The following RAD54B variants were observed in gnomAD, a reference collection of about 807,000 sequenced individuals.
The protein encoded by RAD54B is DNA repair and recombination protein RAD54B.
A neutral mutation model predicts 95.8 loss-of-function variants in RAD54B; 78 were observed. That is an observed-to-expected ratio of 0.81 (90% CI 0.68 to 0.98). The LOEUF (loss-of-function observed/expected upper bound fraction) is 0.98, where lower values mean the gene tolerates loss of function less well. RAD54B is among the 50% of genes least tolerant of loss of function. The pLI, the probability that RAD54B is intolerant of heterozygous loss-of-function variation, is 0.00. For missense variants in RAD54B, 957 were observed against 1,056.6 expected (o/e 0.91, Z 1.31); for synonymous variants, 328 against 354.9 (o/e 0.92, Z 0.85).
rs766867669 is a variant in RAD54B at position 94,386,996 on chromosome 8, C to T, written c.1973G>A (p.Arg658Gln). 3.1e-6 allele frequency: 5 copies of T among 1,595,762 alleles called. No individual in the cohort carries two copies. Among genetic ancestry groups the T allele is most frequent in the South Asian group, 2.3e-5 (2 of 86,626 alleles). ...SKLLAVIHEL[R>Q]PTEKVVLVSN... Reference sequence around the variant, plus strand: ...AAATCGATCTTACTTTTCAGTAGGTCGAAGTTCGTGGATAACCGCTAAGAG... The same window carrying T: ...AAATCGATCTTACTTTTCAGTAGGTTGAAGTTCGTGGATAACCGCTAAGAG... The change falls in exon 11 of 15, where the codon CGA becomes CAA. Residue 658 changes from arginine to glutamine, a missense_variant. Coordinates refer to ENST00000336148, the MANE Select transcript of RAD54B (RefSeq NM_012415.3).
At chr8:94,406,604 C>A (rs1241352128) in intron 5 of RAD54B, among the ~76,000 whole-genome samples, 3 of 152,118 alleles carry the variant, frequency 2.0e-5, no homozygotes, top group Admixed American at 2.0e-4. Context: ...TTCTCCAATG[C>A]AAAGTGAAGA....
At chr8:94,419,457 G>T (rs899651543) in intron 3 of RAD54B, among the ~76,000 whole-genome samples, 3 of 151,978 alleles carry the variant, frequency 2.0e-5, no homozygotes, top group Non-Finnish European at 4.4e-5. Flanking sequence ...GCAGTGAGCC[G>T]AGATCATGCC....
rs1310367358 is a variant in RAD54B at position 94,475,096 on chromosome 8, C to G, written c.-112G>C. 3 of 152,686 alleles carry G rather than the reference C, an allele frequency of 2.0e-5. No individual in the cohort carries two copies. In the East Asian group the frequency reaches 5.8e-4, roughly 29 times the overall value. The allele number at this position is 152,686 out of a possible 1,614,324, so 9.5% of individuals were successfully genotyped here. ...CCGGAGAAGCTCAAGGATCCCGCCT[C>G]GGCGAAGCCAATCGCGGACGAGCCC... On this transcript the variant is annotated 5_prime_UTR_variant, in exon 1 of 15. Coordinates refer to ENST00000336148, the MANE Select transcript of RAD54B (RefSeq NM_012415.3).
At chr8:94,461,159 T>C (rs1243689072) in intron 2 of RAD54B, among the ~76,000 whole-genome samples, 4 of 123,238 alleles carry the variant, frequency 3.2e-5, no homozygotes, top group Non-Finnish European at 5.0e-5. Flanking sequence ...TAAATACTCA[T>C]CTTTTTTTTT....
chr8:94,456,424 G>A (rs1812780374), intron 3 of RAD54B, among the ~76,000 whole-genome samples: 1 of 152,100 alleles, frequency 6.6e-6, no homozygotes, highest in South Asian at 2.1e-4. Flanking sequence ...GGTTATGCAG[G>A]AGAAAACATT....
intron 3 of RAD54B, among the ~76,000 whole-genome samples, chr8:94,415,448 C>T (rs201239342): frequency 3.3e-5 from 5 of 150,680 alleles, no homozygotes; most frequent in East Asian, 1.9e-4. Flanking sequence ...ATTCAGGACA[C>T]AGGCATGGGC....
intron 3 of RAD54B, among the ~76,000 whole-genome samples, chr8:94,454,286 A>T (rs944235962): frequency 3.3e-5 from 5 of 152,182 alleles, no homozygotes; most frequent in African/African-American, 1.2e-4. Flanking sequence ...AGAGAAAGAG[A>T]GTGACTATTT....
chr8:94,395,405 A>G (rs1400582019), intron 8 of RAD54B, among the ~76,000 whole-genome samples: 4 of 152,190 alleles, frequency 2.6e-5, no homozygotes, highest in African/African-American at 4.8e-5. Context: ...AAACTGCACC[A>G]TAACGTTGGT....
Position 94,390,613 on chromosome 8 carries a change from A to C in RAD54B, c.1809+996T>G, listed in dbSNP as rs1342773325. 2.0e-5 allele frequency among the ~76,000 whole-genome samples: 3 copies of C among 148,034 alleles called. No individual in the cohort carries two copies. In the East Asian group the frequency reaches 5.8e-4, roughly 29 times the overall value. ...TTTTATATATAATATATATACATAT[A>C]TACATATATATCTGAGCCCCTATTT... On this transcript the variant is annotated intron_variant, in intron 10 of 14. Transcript: ENST00000336148.
At chr8:94,443,240 T>C (rs1437821370) in intron 3 of RAD54B, among the ~76,000 whole-genome samples, 1 of 152,180 alleles carries the variant, frequency 6.6e-6, no homozygotes, top group Non-Finnish European at 1.5e-5. Flanking sequence ...AAATATCGCA[T>C]GTTCTCACTT....
At chr8:94,474,826 G>A (rs1028019195) in intron 1 of RAD54B, among the ~76,000 whole-genome samples, 175 bp downstream of exon 1, 2 of 152,210 alleles carry the variant, frequency 1.3e-5, no homozygotes, top group Admixed American at 6.5e-5. Flanking sequence ...CCAGCAACCA[G>A]GGCGTCCCTG....
chr8:94,434,133 C>T (rs1324399685), intron 3 of RAD54B, among the ~76,000 whole-genome samples: 2 of 151,758 alleles, frequency 1.3e-5, no homozygotes, highest in East Asian at 3.8e-4. Flanking sequence ...CTATTAATAG[C>T]TCTGCTAAAA....
intron 3 of RAD54B, among the ~76,000 whole-genome samples, chr8:94,419,248 G>C (rs187784627): frequency 6.6e-6 from 1 of 152,106 alleles, no homozygotes; most frequent in African/African-American, 2.4e-5. Flanking sequence ...GGTGGCTCAC[G>C]CCTGTAATCC....
At chr8:94,450,372 T>C (rs1463345427) in intron 3 of RAD54B, among the ~76,000 whole-genome samples, 1 of 152,114 alleles carries the variant, frequency 6.6e-6, no homozygotes, top group Non-Finnish European at 1.5e-5. Flanking sequence ...ACAGCAAATC[T>C]TGCAAAAGGT....
intron 14 of RAD54B, among the ~76,000 whole-genome samples, chr8:94,377,899 C>T (rs1317488276): frequency 1.4e-5 from 2 of 140,928 alleles, no homozygotes; most frequent in African/African-American, 5.2e-5. Flanking sequence ...TGGCGTGAAC[C>T]CGGGAGGCGG....
At chr8:94,459,940 C>T (rs529147678) in intron 2 of RAD54B, among the ~76,000 whole-genome samples, 37 of 150,932 alleles carry the variant, frequency 2.5e-4, no homozygotes, top group African/African-American at 3.9e-4. Context: ...AGGCAGATCA[C>T]GAGGTCAGGA....
chr8:94,384,309 T>C (rs933060267), intron 11 of RAD54B, among the ~76,000 whole-genome samples: 1 of 152,202 alleles, frequency 6.6e-6, no homozygotes, highest in African/African-American at 2.4e-5. Flanking sequence ...TGGAATATTG[T>C]TTAGCCTTAA....
At chr8:94,423,877 T>C (rs1440054857) in intron 3 of RAD54B, among the ~76,000 whole-genome samples, 2 of 152,220 alleles carry the variant, frequency 1.3e-5, no homozygotes, top group East Asian at 3.8e-4. Context: ...TTCTGCATAG[T>C]TAAAATGTGT....
At chr8:94,443,159 T>G (rs1003109866) in intron 3 of RAD54B, among the ~76,000 whole-genome samples, 2 of 152,158 alleles carry the variant, frequency 1.3e-5, no homozygotes, top group African/African-American at 4.8e-5. Flanking sequence ...CCTTCGATCA[T>G]GTCTTTTGCA....
Sources: allele counts gnomAD v4.1 joint callset (sites outside exome capture counted in the v4.1 genomes callset), GRCh38; gene constraint gnomAD v4.1.1; transcripts MANE v1.5; gene names NCBI Gene and HGNC (gene_info 2026-07-23, HGNC 2026-07-21).